The following AGAP1 variants were observed in gnomAD, a reference collection of about 807,000 sequenced individuals.
AGAP1 encodes ArfGAP with GTPase domain, ankyrin repeat and PH domain 1.
A neutral mutation model predicts 105.3 loss-of-function variants in AGAP1; 29 were observed. The observed-to-expected ratio is 0.28, with a 90% CI of 0.21 to 0.38. The LOEUF (loss-of-function observed/expected upper bound fraction) is 0.38, where lower values mean the gene tolerates loss of function less well. Among genes scored for constraint, AGAP1 ranks in the 10% least tolerant of loss-of-function variants. AGAP1 has a pLI of 1.00. For synonymous variants in AGAP1, 509 were observed against 485.9 expected, an observed-to-expected ratio of 1.05 and a Z score of -0.63; for missense variants, 998 against 1,165.1, an observed-to-expected ratio of 0.86 and a Z score of 2.09.
At chr2:235,718,949 C>A (rs938691656) in intron 3 of AGAP1, among the ~76,000 whole-genome samples, 1 of 152,098 alleles carries the variant, frequency 6.6e-6, no homozygotes, top group African/African-American at 2.4e-5. Flanking sequence ...TCCTTTGTGT[C>A]GGAATATGAA....
intron 9 of AGAP1, among the ~76,000 whole-genome samples, chr2:235,811,758 G>A (rs964153812): frequency 1.3e-5 from 2 of 152,178 alleles, no homozygotes; most frequent in Non-Finnish European, 2.9e-5. Context: ...CTCTGGCCAG[G>A]GTGTCTCACG....
Position 236,080,818 on chromosome 2 carries a change from G to C in AGAP1, c.2114+31537G>C, listed in dbSNP as rs1283149145. On this transcript the variant is annotated intron_variant, in intron 16 of 17. Transcript: ENST00000304032. The surrounding 1 kb of genome is among the most constrained non-coding windows in gnomAD (Gnocchi z 4.2). ...ATCTTGGTGGCCTTGCATCCCCTCT[G>C]ACCTGTTTCTGTCCTCACATCTTCT... 6.6e-6 allele frequency among the ~76,000 whole-genome samples: 1 copy of C among 151,974 alleles called. No individual in the cohort carries two copies. Among genetic ancestry groups the C allele is most frequent in the African/African-American group, 2.4e-5 (1 of 41,352 alleles).
At chr2:235,834,401 C>T (rs1959864038) in intron 9 of AGAP1, among the ~76,000 whole-genome samples, 1 of 152,316 alleles carries the variant, frequency 6.6e-6, no homozygotes, top group Non-Finnish European at 1.5e-5. Context: ...TATCCTGGTT[C>T]ATCCTCTGTC....
rs1352996983 is a variant in AGAP1, at chr2:235,927,272, C to T, written c.1325-3493C>T. The stretch of plus-strand genomic sequence containing the variant: ...TGGACACCAGGAGCATGTGGTCTTG[C>T]CAGGAGGTTCGTCACCCCAGAGGTT... On this transcript the variant is annotated intron_variant, in intron 11 of 17. Coordinates refer to ENST00000304032, the MANE Select transcript of AGAP1 (RefSeq NM_001037131.3). The surrounding 1 kb of genome is among the most constrained non-coding windows in gnomAD (Gnocchi z 4.4). Among the ~76,000 whole-genome samples the T allele has an allele frequency of 6.6e-6, 1 of 152,032 alleles. No homozygotes were observed. The highest frequency in any genetic ancestry group is 1.5e-5 in the Non-Finnish European group (1 of 68,004).
chr2:235,652,332 AC>A lies in AGAP1; in HGVS notation c.164-56840del, dbSNP rs972936582. The stretch of plus-strand genomic sequence containing the variant: ...CAGCCTTCAGCCACGCAGCCCTCAG[AC>A]CCCCCCTACCCCCCAGGCCACTGTG... On this transcript the variant is annotated intron_variant, in intron 1 of 17. Coordinates refer to ENST00000304032, the MANE Select transcript of AGAP1 (RefSeq NM_001037131.3). Among the ~76,000 whole-genome samples, 74 of 148,264 alleles carry A rather than the reference AC, an allele frequency of 5.0e-4. No individual in the cohort carries two copies. The South Asian group carries it at 7.2e-3, about 14-fold the overall frequency.
intron 1 of AGAP1, among the ~76,000 whole-genome samples, chr2:235,514,840 C>G (rs1473492718): frequency 6.6e-6 from 1 of 152,202 alleles, no homozygotes; most frequent in Admixed American, 6.5e-5. Context: ...GCGGGATGGA[C>G]TCTGGCTTGT....
intron 1 of AGAP1, among the ~76,000 whole-genome samples, chr2:235,607,910 CA>C (rs1273353769): frequency 1.3e-5 from 2 of 152,166 alleles, no homozygotes; most frequent in Non-Finnish European, 2.9e-5. Flanking sequence ...TCTACCAAAA[CA>C]AATATTGTTC....
At chr2:236,008,929 C>T (rs1300547179) in intron 13 of AGAP1, among the ~76,000 whole-genome samples, 5 of 152,318 alleles carry the variant, frequency 3.3e-5, no homozygotes, top group East Asian at 1.9e-4. Context: ...CTCCAAATTA[C>T]GAAGACTGTT....
chr2:235,856,048 G>A (rs921840650), intron 9 of AGAP1, among the ~76,000 whole-genome samples: 1 of 152,010 alleles, frequency 6.6e-6, no homozygotes, highest in Non-Finnish European at 1.5e-5. Flanking sequence ...CGAGTAGCTG[G>A]AACTGCAAGC....
In AGAP1 at chr2:235,883,202, T is replaced by C. The variant is rs2050116683; in HGVS notation, c.1051-143T>C. 3.1e-6 allele frequency: 2 copies of C among 649,470 alleles called. No homozygotes were observed. The highest frequency in any genetic ancestry group is 1.8e-5 in the African/African-American group (1 of 54,518). The allele number at this position is 649,470 out of a possible 1,614,324, so 40.2% of individuals were successfully genotyped here. On this transcript the variant is annotated intron_variant, in intron 9 of 17. Coordinates refer to ENST00000304032, the MANE Select transcript of AGAP1 (RefSeq NM_001037131.3). The surrounding 1 kb of genome is among the most constrained non-coding windows in gnomAD (Gnocchi z 4.5). ...GTTTGTGTCGTATTTGTTGAACTAA[T>C]GGCATATCTTTTAGCATTCGCCAGT...
At chr2:235,938,387 T>G (rs567940216) in intron 12 of AGAP1, among the ~76,000 whole-genome samples, 2 of 152,268 alleles carry the variant, frequency 1.3e-5, no homozygotes, top group South Asian at 4.1e-4. Flanking sequence ...CCAAGAACGC[T>G]GGGTGCGCAG....
chr2:235,749,252 T>C (rs1953225036), intron 5 of AGAP1, among the ~76,000 whole-genome samples: 1 of 151,498 alleles, frequency 6.6e-6, no homozygotes, highest in South Asian at 2.1e-4. Context: ...AAGTCCTCTC[T>C]CCTCCCTAAG....
chr2:235,937,360 G>T (rs1333119416), intron 12 of AGAP1, among the ~76,000 whole-genome samples: 3 of 152,212 alleles, frequency 2.0e-5, no homozygotes, highest in African/African-American at 7.2e-5. Context: ...GACACAGGGG[G>T]TGAAAGGTGG....
In AGAP1 at chr2:235,728,693, A is replaced by T. The variant is rs964635248; in HGVS notation, c.310+11049A>T. Among the ~76,000 whole-genome samples the T allele has an allele frequency of 2.0e-5, 3 of 146,774 alleles. No individual in the cohort carries two copies. Among genetic ancestry groups the T allele is most frequent in the South Asian group, 2.1e-4 (1 of 4,790 alleles). ...ATTTCTTAATGTTGTATATTTTTTTAAAAATTAACACCACCATAAGCAAGA... is the reference window on the plus strand; with the variant it reads ...ATTTCTTAATGTTGTATATTTTTTTTAAAATTAACACCACCATAAGCAAGA... On this transcript the variant is annotated intron_variant, in intron 3 of 17. Coordinates refer to ENST00000304032, the MANE Select transcript of AGAP1 (RefSeq NM_001037131.3). The surrounding 1 kb of genome is among the most constrained non-coding windows in gnomAD (Gnocchi z 4.3).
At chr2:235,695,942 G>A (rs1949977381) in intron 1 of AGAP1, among the ~76,000 whole-genome samples, 1 of 152,122 alleles carries the variant, frequency 6.6e-6, no homozygotes, top group Admixed American at 6.5e-5. Context: ...ACCAGCGGAA[G>A]GTCTGTGCTG....
At chr2:235,672,735 G>C (rs779514825) in intron 1 of AGAP1, among the ~76,000 whole-genome samples, 3 of 152,214 alleles carry the variant, frequency 2.0e-5, no homozygotes, top group Non-Finnish European at 4.4e-5. Context: ...GTATCAGAGA[G>C]AGAAAGAAAA....
intron 9 of AGAP1, among the ~76,000 whole-genome samples, chr2:235,815,840 C>T (rs967602841): frequency 3.9e-5 from 6 of 152,316 alleles, no homozygotes; most frequent in African/African-American, 1.2e-4. Context: ...ATACCAGGTG[C>T]GTAGCTCTCA....
rs572308796 is a variant in AGAP1 at position 236,126,210 on chromosome 2, G to A, written c.*2088G>A. ...TGAGAACCTTGACGACAGTTCCATCGTCCTGCCATTTGATTTTTCAGTCTG... is the reference window on the plus strand; with the variant it reads ...TGAGAACCTTGACGACAGTTCCATCATCCTGCCATTTGATTTTTCAGTCTG... On this transcript the variant is annotated 3_prime_UTR_variant, in exon 18 of 18. Transcript: ENST00000304032. 7 of 152,178 alleles carry A rather than the reference G, an allele frequency of 4.6e-5. No individual in the cohort carries two copies. The East Asian group carries it at 1.2e-3, about 25-fold the overall frequency. The allele number at this position is 152,178 out of a possible 1,614,324, so 9.4% of individuals were successfully genotyped here.
chr2:235,962,452 G>A lies in AGAP1; in HGVS notation c.1484-6010G>A, dbSNP rs1329401956. Reference sequence around the variant, plus strand: ...GTATAAGAAAAACCGTGGGATGTGAGCGGGTTGGACGTCAGATGGCATGGA... The same window carrying A: ...GTATAAGAAAAACCGTGGGATGTGAACGGGTTGGACGTCAGATGGCATGGA... On this transcript the variant is annotated intron_variant, in intron 12 of 17. Transcript: ENST00000304032. The surrounding 1 kb of genome is among the most constrained non-coding windows in gnomAD (Gnocchi z 5.3). Among the ~76,000 whole-genome samples, 1 of 152,156 alleles carries A rather than the reference G, an allele frequency of 6.6e-6. No individual in the cohort carries two copies. The highest frequency in any genetic ancestry group is 6.5e-5 in the Admixed American group (1 of 15,280).
Sources: allele counts gnomAD v4.1 joint callset (sites outside exome capture counted in the v4.1 genomes callset), GRCh38; gene constraint gnomAD v4.1.1; non-coding constraint Gnocchi (gnomAD v3.1); transcripts MANE v1.5; gene names NCBI Gene and HGNC (gene_info 2026-07-23, HGNC 2026-07-21).